PRKCE: variants seen among roughly 807,000 people sequenced by gnomAD.
PRKCE encodes protein kinase C epsilon type.
In PRKCE, 16 loss-of-function variants were observed where a neutral mutation model predicts 85.4. That is an observed-to-expected ratio of 0.19 (90% confidence interval 0.13 to 0.28). The LOEUF (loss-of-function observed/expected upper bound fraction) is 0.28, where lower values mean the gene tolerates loss of function less well. Ranked by LOEUF, PRKCE falls within the 10% of genes least tolerant of loss-of-function variation. The pLI is 1.00. For missense variants in PRKCE, 573 were observed against 975.2 expected, an observed-to-expected ratio of 0.59 and a Z score of 5.49; for synonymous variants, 388 against 371.5, an observed-to-expected ratio of 1.04 and a Z score of -0.51.
At chr2:45,984,382 G>A (rs1703145786) in intron 5 of PRKCE, among the ~76,000 whole-genome samples, 169 bp from the exon 6 acceptor site, 2 of 152,184 alleles carry the variant, frequency 1.3e-5, no homozygotes, top group South Asian at 2.1e-4. Context: ...CAAGGCCAGG[G>A]CAGGATGGAA....
intron 1 of PRKCE, among the ~76,000 whole-genome samples, chr2:45,763,672 T>C (rs546186159): frequency 1.3e-5 from 2 of 152,232 alleles, no homozygotes; most frequent in East Asian, 3.9e-4. Flanking sequence ...TCAGGCTCCC[T>C]CCGCTGTCTT....
Position 45,985,226 on chromosome 2 carries a change from C to G in PRKCE, c.823+546C>G, listed in dbSNP as rs61756865. Among the ~76,000 whole-genome samples, 487 of 152,252 alleles carry G rather than the reference C, an allele frequency of 3.2e-3. 5 individuals carry two copies. Among genetic ancestry groups the G allele is most frequent in the African/African-American group, 0.011 (458 of 41,532 alleles). ...GAGACTAAGCAACTTGCTCACATCA[C>G]ACAATTTATTAGCAGAAGTAGGATT... On this transcript the variant is annotated intron_variant, in intron 6 of 14. Coordinates refer to ENST00000306156, the MANE Select transcript of PRKCE (RefSeq NM_005400.3).
chr2:45,859,602 C>T (rs1449750596), intron 2 of PRKCE, among the ~76,000 whole-genome samples: 1 of 152,034 alleles, frequency 6.6e-6, no homozygotes, highest in Non-Finnish European at 1.5e-5. Flanking sequence ...TTGACCTTTC[C>T]TCAAAAATGT....
At chr2:46,017,434 C>A (rs1372997918) in intron 10 of PRKCE, among the ~76,000 whole-genome samples, 3 of 152,160 alleles carry the variant, frequency 2.0e-5, no homozygotes, top group Non-Finnish European at 4.4e-5. Flanking sequence ...TGTATAATAT[C>A]ACATTTCACT....
At chr2:46,165,691 A>G (rs1040079394) in intron 14 of PRKCE, among the ~76,000 whole-genome samples, 2 of 152,190 alleles carry the variant, frequency 1.3e-5, no homozygotes. Context: ...GCATCATCTG[A>G]CCTTGCAGAT....
intron 1 of PRKCE, among the ~76,000 whole-genome samples, chr2:45,780,058 G>A (rs531213361): frequency 5.7e-5 from 3 of 52,182 alleles, no homozygotes; most frequent in African/African-American, 2.3e-4. Context: ...CATCTGTATC[G>A]ATCTCAAAGA....
At chr2:45,851,976 G>C (rs538274699) in intron 2 of PRKCE, 7 of 152,434 alleles carry the variant, frequency 4.6e-5, no homozygotes, top group Non-Finnish European at 1.0e-4. Context: ...CCCCCTCAGA[G>C]CAGTAACTCC....
chr2:45,916,607 A>G (rs1012212014), intron 2 of PRKCE, among the ~76,000 whole-genome samples: 1 of 152,218 alleles, frequency 6.6e-6, no homozygotes, highest in South Asian at 2.1e-4. Flanking sequence ...CAATTTTGAC[A>G]TCCTCTCAAA....
chr2:45,856,618 A>G (rs1193517459), intron 2 of PRKCE, among the ~76,000 whole-genome samples: 1 of 152,220 alleles, frequency 6.6e-6, no homozygotes, highest in Non-Finnish European at 1.5e-5. Flanking sequence ...TGCTGTAGTC[A>G]TGCTACTGTA....
intron 14 of PRKCE, among the ~76,000 whole-genome samples, chr2:46,183,747 A>G (rs1299456779): frequency 6.6e-6 from 1 of 152,152 alleles, no homozygotes; most frequent in Non-Finnish European, 1.5e-5. Context: ...TTCTACCAGT[A>G]CAGTTGTCAC....
In PRKCE at chr2:46,049,549, T is replaced by A. The variant is rs532686958; in HGVS notation, c.1438-36659T>A. On this transcript the variant is annotated intron_variant, in intron 10 of 14. Transcript: ENST00000306156. ...GCAGCCAAGGTAGTTTCTGCCTGAT[T>A]GTTCCTAAGCAGACTCTGGTCAAGG... is the stretch of plus-strand genomic sequence containing the variant. Among the ~76,000 whole-genome samples the A allele has an allele frequency of 2.6e-5, 4 of 152,314 alleles. No homozygotes were observed. The South Asian group carries it at 8.3e-4, about 32-fold the overall frequency.
intron 1 of PRKCE, among the ~76,000 whole-genome samples, chr2:45,768,916 T>G (rs949161630): frequency 1.3e-5 from 2 of 152,212 alleles, no homozygotes; most frequent in Non-Finnish European, 2.9e-5. Flanking sequence ...ATCTCCACGT[T>G]ACCAGGACAG....
At chr2:45,975,484 C>A (rs1284898161) in intron 2 of PRKCE, among the ~76,000 whole-genome samples, 1 of 152,166 alleles carries the variant, frequency 6.6e-6, no homozygotes, top group African/African-American at 2.4e-5. Flanking sequence ...AGGTCTCTTC[C>A]TCCTCTTATA....
intron 2 of PRKCE, among the ~76,000 whole-genome samples, chr2:45,949,617 C>G (rs368750825): frequency 6.6e-6 from 1 of 150,488 alleles, no homozygotes; most frequent in Non-Finnish European, 1.5e-5. Context: ...ATAAATCTTC[C>G]CCTATCTAAA....
chr2:45,992,235 G>A (rs889531759), intron 6 of PRKCE, among the ~76,000 whole-genome samples: 1 of 152,126 alleles, frequency 6.6e-6, no homozygotes, highest in Non-Finnish European at 1.5e-5. Context: ...CAATGCCTGG[G>A]GACCATGAGA....
intron 10 of PRKCE, among the ~76,000 whole-genome samples, chr2:46,074,210 A>T (rs1668325509): frequency 6.6e-6 from 1 of 152,180 alleles, no homozygotes; most frequent in Admixed American, 6.5e-5. Flanking sequence ...TAAGAAAAGA[A>T]TCATTGTGTC....
At chr2:45,848,764 T>C (rs1051413161) in intron 2 of PRKCE, among the ~76,000 whole-genome samples, 4 of 152,180 alleles carry the variant, frequency 2.6e-5, no homozygotes, top group Admixed American at 6.5e-5. Flanking sequence ...TTAGGCACCC[T>C]AGACTTGCAG....
chr2:46,002,106 A>G (rs1384171687), intron 7 of PRKCE, among the ~76,000 whole-genome samples: 2 of 152,224 alleles, frequency 1.3e-5, no homozygotes, highest in Non-Finnish European at 2.9e-5. Context: ...CATTCTAAAT[A>G]TCAGTAAGAA....
intron 1 of PRKCE, among the ~76,000 whole-genome samples, chr2:45,755,247 G>A (rs1319150172): frequency 6.6e-6 from 1 of 152,158 alleles, no homozygotes; most frequent in African/African-American, 2.4e-5. Flanking sequence ...ACTGTTCTCT[G>A]GACTGGAAGA....
Sources: gnomAD v4.1 joint callset for allele counts (sites outside exome capture counted in the v4.1 genomes callset) on GRCh38, gnomAD v4.1.1 for gene constraint, MANE v1.5 for transcripts, NCBI Gene and HGNC (gene_info 2026-07-23, HGNC 2026-07-21) for gene names.